COL4A6: variants seen among roughly 807,000 people sequenced by gnomAD.
The protein encoded by COL4A6 is collagen type IV alpha 6 chain, also known as collagen alpha-6(IV) chain.
COL4A6 carries 59 observed loss-of-function variants against 126.7 expected under a neutral mutation model. That is an observed-to-expected ratio of 0.47 (90% CI 0.38 to 0.58). COL4A6 has a LOEUF of 0.58. Ranked by LOEUF, COL4A6 falls within the 20% of genes least tolerant of loss-of-function variation. COL4A6 has a pLI of 0.00. For synonymous variants in COL4A6, 547 were observed against 496.6 expected, an observed-to-expected ratio of 1.10 and a Z score of -1.35; for missense variants, 1,285 against 1,337.3, an observed-to-expected ratio of 0.96 and a Z score of 0.61.
intron 2 of COL4A6, among the ~76,000 whole-genome samples, chrX:108,436,195 AAAAAT>A (rs2064264279): frequency 1.8e-5 from 2 of 112,504 alleles, no homozygotes; most frequent in Admixed American, 1.9e-4. Context: ...AAATAAGTCA[AAAAAT>A]AAAGTATTAT....
At chrX:108,232,312 A>G (rs773865767) in intron 3 of COL4A6, among the ~76,000 whole-genome samples, 42 of 111,935 alleles carry the variant, frequency 3.8e-4, no homozygotes, top group Non-Finnish European at 7.9e-4. Flanking sequence ...CAAGAATAAA[A>G]AAATCACATA....
intron 2 of COL4A6, among the ~76,000 whole-genome samples, chrX:108,428,398 A>G (rs769641591): frequency 1.3e-4 from 14 of 111,770 alleles, no homozygotes; most frequent in Non-Finnish European, 2.6e-4. Flanking sequence ...TAAGTCTCTG[A>G]GGATACTGGG....
chrX:108,427,490 G>GA (rs1166127012), intron 2 of COL4A6, among the ~76,000 whole-genome samples: 4 of 111,946 alleles, frequency 3.6e-5, no homozygotes, highest in African/African-American at 9.7e-5. Context: ...GACAGAGGAT[G>GA]AAAAAAACAG....
chrX:108,158,843 C>T (rs2033822285), intron 44 of COL4A6, among the ~76,000 whole-genome samples: 1 of 112,018 alleles, frequency 8.9e-6, no homozygotes, highest in African/African-American at 3.2e-5. Flanking sequence ...AGAAACATCC[C>T]CAGGTATTCA....
intron 2 of COL4A6, among the ~76,000 whole-genome samples, chrX:108,414,417 G>A (rs2041392772): frequency 9.0e-6 from 1 of 110,869 alleles, no homozygotes; most frequent in African/African-American, 3.3e-5. Context: ...CATCTGGAGA[G>A]CCTTGTTGAG....
Position 108,176,031 on chromosome X carries a change from G to A in COL4A6, c.2687-234C>T, listed in dbSNP as rs993074259. Among the ~76,000 whole-genome samples, 3 of 110,866 alleles carry A rather than the reference G, an allele frequency of 2.7e-5. No homozygotes were observed. In the East Asian group the frequency reaches 8.5e-4, roughly 32 times the overall value. ...GCACTACACAATACAAAGGAAAGAA[G>A]TGGGCTCCTCTCGGCCGGGCACAGT... On this transcript the variant is annotated intron_variant, in intron 28 of 44. Transcript: ENST00000334504.
At chrX:108,265,720 T>C (rs766054690) in intron 3 of COL4A6, among the ~76,000 whole-genome samples, 1 of 109,940 alleles carries the variant, frequency 9.1e-6, no homozygotes, top group South Asian at 3.9e-4. Context: ...AACATGGCAA[T>C]GTTTGAAGAT....
intron 3 of COL4A6, among the ~76,000 whole-genome samples, chrX:108,297,492 G>A (rs1390915938): frequency 2.7e-5 from 3 of 111,021 alleles, no homozygotes; most frequent in Non-Finnish European, 3.8e-5. Flanking sequence ...ATGCCAGTAT[G>A]ACCCCACCAG....
chrX:108,374,943 A>C (rs1409477037), intron 2 of COL4A6, among the ~76,000 whole-genome samples: 1 of 112,036 alleles, frequency 8.9e-6, no homozygotes, highest in Non-Finnish European at 1.9e-5. Context: ...TAAAATTTAG[A>C]AAAGTATTTT....
rs764721281 is a variant in COL4A6, at chrX:108,222,844, T to C, written c.145-1470A>G. ...ACAGTGGTTCTGTTATTTATTATTA[T>C]TGGGATTTTCACAAAATCAATAAAT... is the stretch of plus-strand genomic sequence containing the variant. On this transcript the variant is annotated intron_variant, in intron 3 of 44. Coordinates refer to ENST00000334504, the MANE Select transcript of COL4A6 (RefSeq NM_033641.4). 8.9e-5 allele frequency among the ~76,000 whole-genome samples: 10 copies of C among 112,052 alleles called. No individual in the cohort carries two copies. In the South Asian group the frequency reaches 3.8e-3, roughly 42 times the overall value.
At chrX:108,278,674 C>A (rs1413228351) in intron 3 of COL4A6, among the ~76,000 whole-genome samples, 5 of 108,097 alleles carry the variant, frequency 4.6e-5, no homozygotes, top group African/African-American at 1.7e-4. Flanking sequence ...AAGAGCAACT[C>A]CAAGACACAT....
chrX:108,159,208 G>A (rs756120233), intron 44 of COL4A6, among the ~76,000 whole-genome samples: 36 of 111,797 alleles, frequency 3.2e-4, no homozygotes, highest in Non-Finnish European at 5.8e-4. Context: ...GCATGGAGAC[G>A]GCGGGGCATT....
At chrX:108,342,917 G>A (rs1195405354) in intron 2 of COL4A6, among the ~76,000 whole-genome samples, 2 of 109,081 alleles carry the variant, frequency 1.8e-5, no homozygotes, top group African/African-American at 6.7e-5. Flanking sequence ...ATCTACTGGG[G>A]ATACAGTGGA....
intron 3 of COL4A6, among the ~76,000 whole-genome samples, chrX:108,255,814 G>A (rs1390933040): frequency 9.0e-6 from 1 of 111,324 alleles, no homozygotes; most frequent in Non-Finnish European, 1.9e-5. Flanking sequence ...TACCTTCACA[G>A]AACATACAAA....
intron 2 of COL4A6, among the ~76,000 whole-genome samples, chrX:108,417,723 C>T (rs191389223): frequency 1.8e-5 from 2 of 111,257 alleles, no homozygotes; most frequent in Admixed American, 1.9e-4. Context: ...TATGAAAACC[C>T]GATACAGCAT....
chrX:108,268,920 T>G, intron 3 of COL4A6: 1 of 231,844 alleles, frequency 4.3e-6, no homozygotes, highest in Non-Finnish European at 8.1e-6. Context: ...CAATGATCAT[T>G]CTTTCTTGGT....
At chrX:108,206,302 C>T (rs1216617508) in intron 9 of COL4A6, 1 of 526,353 alleles carries the variant, frequency 1.9e-6, no homozygotes, top group East Asian at 3.5e-5. Flanking sequence ...GGGTGGGAGG[C>T]TTTAGAGGCA....
chrX:108,330,138 A>G (rs995806895), intron 2 of COL4A6, among the ~76,000 whole-genome samples: 2 of 111,031 alleles, frequency 1.8e-5, no homozygotes, highest in Non-Finnish European at 3.8e-5. Flanking sequence ...AGAGTGAAAG[A>G]GTTCCGGGAA....
intron 3 of COL4A6, among the ~76,000 whole-genome samples, chrX:108,277,563 G>A (rs1242949454): frequency 8.9e-6 from 1 of 112,418 alleles, no homozygotes; most frequent in Non-Finnish European, 1.9e-5. Flanking sequence ...TGGGGGCAGG[G>A]CACAAACAAA....
Sources: allele counts gnomAD v4.1 joint callset (sites outside exome capture counted in the v4.1 genomes callset), GRCh38; gene constraint gnomAD v4.1.1; transcripts MANE v1.5; gene names NCBI Gene and HGNC (gene_info 2026-07-23, HGNC 2026-07-21).